The following ILKAP variants were observed in gnomAD, a reference collection of about 807,000 sequenced individuals.
The protein encoded by ILKAP is integrin-linked kinase-associated serine/threonine phosphatase 2C.
Under a neutral mutation model 49.1 loss-of-function variants are expected in ILKAP, and 11 were observed. The observed-to-expected ratio is 0.22, with a 90% CI of 0.14 to 0.37. The LOEUF is 0.37. Ranked by LOEUF, ILKAP falls within the 10% of genes least tolerant of loss-of-function variation. The probability of loss-of-function intolerance (pLI) is 1.00; values close to 1 mark genes in which losing one functional copy is unlikely to be tolerated. For synonymous variants in ILKAP, 186 were observed against 192.8 expected, an observed-to-expected ratio of 0.96 and a Z score of 0.29; for missense variants, 363 against 510.8, an observed-to-expected ratio of 0.71 and a Z score of 2.79.
chr2:238,183,610 A>ACGTAGATGACAAT, intron 8 of ILKAP, 43 bp downstream of exon 8: 1 of 1,372,162 alleles, frequency 7.3e-7, no homozygotes, highest in East Asian at 2.3e-5. Context: ...TTTTCCCCAT[A>ACGTAGATGACAAT]AAACGTATTG....
At chr2:238,203,406 G>T in intron 1 of ILKAP, 93 bp downstream of exon 1, 1 of 521,636 alleles carries the variant, frequency 1.9e-6, no homozygotes, top group Non-Finnish European at 2.6e-6. Flanking sequence ...CCGCCTCCCA[G>T]CGCGGGCGCC....
At position 238,190,472 on chromosome 2, in the gene ILKAP, G is replaced by A. The variant is rs1179381354; in HGVS notation, c.179-500C>T. ...GCCACAGCTGTTCCCACTAGCAAAAGGATGAATCTGTACTCAAAGCTAAGG... is the reference window on the plus strand; with the variant it reads ...GCCACAGCTGTTCCCACTAGCAAAAAGATGAATCTGTACTCAAAGCTAAGG... On this transcript the variant is annotated intron_variant, in intron 3 of 11. Coordinates refer to ENST00000254654, the MANE Select transcript of ILKAP (RefSeq NM_030768.3). Among the ~76,000 whole-genome samples, 6 of 152,146 alleles carry A rather than the reference G, an allele frequency of 3.9e-5. No individual in the cohort carries two copies. The East Asian group carries it at 1.2e-3, about 29-fold the overall frequency.
chr2:238,188,724 A>G (rs1182712374), intron 4 of ILKAP: 1 of 153,438 alleles, frequency 6.5e-6, no homozygotes, highest in African/African-American at 2.4e-5. Context: ...GAATTTGAAC[A>G]AACAGTAAGA....
chr2:238,174,852 G>A (rs1343375689), intron 9 of ILKAP, among the ~76,000 whole-genome samples: 2 of 152,124 alleles, frequency 1.3e-5, no homozygotes, highest in African/African-American at 2.4e-5. Flanking sequence ...AGCTCACAGT[G>A]TAAGTACTAT....
rs1218615685 is a variant in ILKAP at position 238,194,860 on chromosome 2, A to G, written c.66T>C (p.Ala22=). ...RSPRPAAGKE[A]QKGPLLFDDL... ...CATCAAAGAGCAGGGGTCCTTTCTG[A>G]GCTTCTTTCCCTAAAACACAGAAAA... The change falls in exon 2 of 12, where the codon GCT becomes GCC. Residue 22 remains alanine, a synonymous_variant. Transcript: ENST00000254654. 1.2e-6 allele frequency: 2 copies of G among 1,613,864 alleles called. No individual in the cohort carries two copies. The highest frequency in any genetic ancestry group is 4.5e-5 in the East Asian group (2 of 44,890).
At position 238,171,030 on chromosome 2, in the gene ILKAP, A is replaced by G; in HGVS notation, c.957-6T>C. The G allele has an allele frequency of 1.2e-6, 2 of 1,610,078 alleles. No individual in the cohort carries two copies. Among genetic ancestry groups the G allele is most frequent in the Non-Finnish European group, 1.7e-6 (2 of 1,177,144 alleles). On this transcript the variant is annotated splice_region_variant and splice_polypyrimidine_tract_variant and intron_variant, in intron 10 of 11. Transcript: ENST00000254654. ...CACAGGCCAACAAAATGAACCTACA[A>G]CACCAGGGAGAAATATAAACGGGTT...
At chr2:238,185,553 C>T (rs1693869426) in intron 5 of ILKAP, 1 of 317,326 alleles carries the variant, frequency 3.2e-6, no homozygotes, top group South Asian at 3.6e-5. Flanking sequence ...CCTGTAATCC[C>T]AGCGCTTTGG....
intron 3 of ILKAP, among the ~76,000 whole-genome samples, chr2:238,192,475 G>A (rs56202577): frequency 0.28 from 41,973 of 151,518 alleles, 6,200 homozygotes; most frequent in South Asian, 0.37. Flanking sequence ...CGAGGCAGGC[G>A]GATCACGAAG....
At chr2:238,198,028 T>C (rs1694417102) in intron 1 of ILKAP, among the ~76,000 whole-genome samples, 1 of 152,134 alleles carries the variant, frequency 6.6e-6, no homozygotes, top group African/African-American at 2.4e-5. Context: ...CCTCCATACA[T>C]GGGCACCCTT....
At chr2:238,189,243 A>AG (rs918900772) in intron 4 of ILKAP, among the ~76,000 whole-genome samples, 2 of 152,050 alleles carry the variant, frequency 1.3e-5, no homozygotes, top group Admixed American at 6.6e-5. Context: ...TGAACCCGGG[A>AG]GGCGGAGCTT....
intron 9 of ILKAP, among the ~76,000 whole-genome samples, chr2:238,181,222 G>C (rs1693678102): frequency 6.6e-6 from 1 of 152,194 alleles, no homozygotes; most frequent in Admixed American, 6.5e-5. Context: ...GGATAGGTAA[G>C]TGCAGTCTTA....
intron 9 of ILKAP, among the ~76,000 whole-genome samples, chr2:238,180,116 A>G (rs1476089139): frequency 6.6e-6 from 1 of 152,032 alleles, no homozygotes; most frequent in Non-Finnish European, 1.5e-5. Context: ...GGCTGCGGTG[A>G]GCTGTGATCG....
chr2:238,201,557 T>G (rs1694568595), intron 1 of ILKAP, among the ~76,000 whole-genome samples: 1 of 152,122 alleles, frequency 6.6e-6, no homozygotes, highest in Non-Finnish European at 1.5e-5. Flanking sequence ...GAAACTGAGT[T>G]TGGAAAAAAC....
chr2:238,203,540 C>T lies in ILKAP; in HGVS notation c.14G>A (p.Gly5Glu). ...CGAGCGCTCGGGCTCCGGCAGGTCCCCGAAGAGGTCCATGGCGGAGGCTGG... is the reference window on the plus strand; with the variant it reads ...CGAGCGCTCGGGCTCCGGCAGGTCCTCGAAGAGGTCCATGGCGGAGGCTGG... MDLF[G>E]DLPEPERSPR... The change falls in exon 1 of 12, where the codon GGG becomes GAG. Residue 5 changes from glycine to glutamate, a missense_variant. Transcript: ENST00000254654. 1 of 1,213,960 alleles carries T rather than the reference C, an allele frequency of 8.2e-7. No homozygotes were observed. Among genetic ancestry groups the T allele is most frequent in the Non-Finnish European group, 1.0e-6 (1 of 971,244 alleles). The allele number at this position is 1,213,960 out of a possible 1,614,324, so 75.2% of individuals were successfully genotyped here. A position where few individuals can be genotyped will look rare whatever the true frequency, so the allele number is the denominator to read the frequency against.
intron 9 of ILKAP, among the ~76,000 whole-genome samples, chr2:238,174,785 G>A (rs1559288329): frequency 6.6e-6 from 1 of 152,202 alleles, no homozygotes; most frequent in Non-Finnish European, 1.5e-5. Context: ...CAGGGGAAGA[G>A]CTGAGGACTG....
chr2:238,200,975 T>G (rs1348852235), intron 1 of ILKAP, among the ~76,000 whole-genome samples: 1 of 152,242 alleles, frequency 6.6e-6, no homozygotes, highest in Admixed American at 6.5e-5. Context: ...GCACAGTTAG[T>G]AAGCGAAGAG....
At chr2:238,172,074 C>T (rs1035899908) in intron 10 of ILKAP, among the ~76,000 whole-genome samples, 4 of 151,810 alleles carry the variant, frequency 2.6e-5, no homozygotes, top group Admixed American at 6.6e-5. Context: ...GTTGTTGAGG[C>T]GGACTTTCCC....
intron 1 of ILKAP, among the ~76,000 whole-genome samples, chr2:238,196,086 CTTTTTTTTTT>C (rs34504570): frequency 4.8e-4 from 37 of 77,468 alleles, no homozygotes; most frequent in African/African-American, 1.8e-3. Context: ...AACCAATTCA[CTTTTTTTTTT>C]TTTTTTTTTT....
intron 10 of ILKAP, among the ~76,000 whole-genome samples, chr2:238,172,651 G>A (rs539045027): frequency 2.8e-4 from 43 of 152,224 alleles, no homozygotes; most frequent in Non-Finnish European, 5.6e-4. Context: ...GGAGAATGGG[G>A]CAGTGGCTCA....
Sources: gnomAD v4.1 joint callset for allele counts (sites outside exome capture counted in the v4.1 genomes callset) on GRCh38, gnomAD v4.1.1 for gene constraint, MANE v1.5 for transcripts, NCBI Gene and HGNC (gene_info 2026-07-23, HGNC 2026-07-21) for gene names.